Variants in DENND1B observed in about 807,000 individuals in gnomAD.
The protein encoded by DENND1B is DENN domain-containing protein 1B.
In DENND1B, 59 loss-of-function variants were observed where a neutral mutation model predicts 90.1. The observed-to-expected ratio is 0.65, with a 90% CI of 0.53 to 0.81. The LOEUF (loss-of-function observed/expected upper bound fraction) is 0.81. Ranked by LOEUF, DENND1B falls within the 40% of genes least tolerant of loss-of-function variation. The pLI, the probability that DENND1B is intolerant of heterozygous loss-of-function variation, is 0.00. For missense variants in DENND1B, 862 were observed against 912.6 expected (o/e 0.94, Z 0.71); for synonymous variants, 337 against 324.6 (o/e 1.04, Z -0.41).
In DENND1B at chr1:197,744,030, A is replaced by C. The variant is rs116421706; in HGVS notation, c.82+28838T>G. On this transcript the variant is annotated intron_variant, in intron 2 of 22. Coordinates refer to ENST00000620048, the MANE Select transcript of DENND1B (RefSeq NM_001195215.2). ...CATAAGATAGCAGCAATTCAGTCAC[A>C]TATTAAGGATTTACTTCTAATTCTA... Among the ~76,000 whole-genome samples, 1,093 of 152,334 alleles carry C rather than the reference A, an allele frequency of 7.2e-3. 22 individuals are homozygous for C. The highest frequency in any genetic ancestry group is 0.025 in the African/African-American group (1,025 of 41,560).
At chr1:197,630,870 C>A (rs1383599749) in intron 10 of DENND1B, among the ~76,000 whole-genome samples, 3 of 152,102 alleles carry the variant, frequency 2.0e-5, no homozygotes, top group African/African-American at 7.2e-5. Context: ...ATACAAAAAT[C>A]TGTACTCTCA....
chr1:197,515,398 TGG>T (rs1668325235), intron 20 of DENND1B, among the ~76,000 whole-genome samples: 1 of 151,678 alleles, frequency 6.6e-6, no homozygotes, highest in East Asian at 1.9e-4. Context: ...AATATTTCTG[TGG>T]GAAAAATACA....
chr1:197,673,674 T>C (rs1337196044), intron 4 of DENND1B, among the ~76,000 whole-genome samples: 1 of 152,106 alleles, frequency 6.6e-6, no homozygotes, highest in Non-Finnish European at 1.5e-5. Flanking sequence ...ACACTACCTC[T>C]ATAAAGCTAT....
At chr1:197,694,016 T>G (rs113161986) in intron 3 of DENND1B, among the ~76,000 whole-genome samples, 1 of 151,510 alleles carries the variant, frequency 6.6e-6, no homozygotes, top group Non-Finnish European at 1.5e-5. Flanking sequence ...TCATACCTAC[T>G]TCTTATCCTA....
intron 5 of DENND1B, among the ~76,000 whole-genome samples, chr1:197,660,914 G>C (rs577738324): frequency 1.8e-4 from 27 of 152,162 alleles, no homozygotes; most frequent in African/African-American, 5.3e-4. Flanking sequence ...TAGGAGGCAA[G>C]AAATCTAAGA....
chr1:197,540,445 T>C (rs1353654525), intron 19 of DENND1B, among the ~76,000 whole-genome samples: 2 of 152,030 alleles, frequency 1.3e-5, no homozygotes, highest in Non-Finnish European at 2.9e-5. Context: ...GATAATAAAA[T>C]CTGTGAAGAT....
At chr1:197,596,744 T>G (rs1675737053) in intron 13 of DENND1B, among the ~76,000 whole-genome samples, 1 of 151,904 alleles carries the variant, frequency 6.6e-6, no homozygotes. Flanking sequence ...CAAGTAGCCC[T>G]GACTTTGCTT....
At chr1:197,602,320 G>A (rs1352538308) in intron 13 of DENND1B, among the ~76,000 whole-genome samples, 1 of 151,474 alleles carries the variant, frequency 6.6e-6, no homozygotes. Flanking sequence ...GTGTGGTGGA[G>A]GCAAGGTACA....
chr1:197,582,375 T>G (rs1427635205), intron 15 of DENND1B, among the ~76,000 whole-genome samples: 3 of 152,174 alleles, frequency 2.0e-5, no homozygotes, highest in Non-Finnish European at 4.4e-5. Context: ...TTTTTATTCA[T>G]TTTTGTATCC....
intron 15 of DENND1B, among the ~76,000 whole-genome samples, chr1:197,565,549 T>G (rs1045882585): frequency 6.6e-6 from 1 of 151,942 alleles, no homozygotes; most frequent in African/African-American, 2.4e-5. Flanking sequence ...GCAGGTTAGT[T>G]ACATATGCAT....
intron 13 of DENND1B, 141 bp from the exon 14 acceptor site, chr1:197,595,474 G>A (rs2125808864): frequency 3.8e-6 from 4 of 1,043,522 alleles, no homozygotes; most frequent in South Asian, 3.3e-5. Flanking sequence ...CTTTTTAACT[G>A]CAGAGAGCAC....
At chr1:197,755,810 C>A (rs901833235) in intron 2 of DENND1B, among the ~76,000 whole-genome samples, 3 of 152,082 alleles carry the variant, frequency 2.0e-5, no homozygotes, top group African/African-American at 7.2e-5. Flanking sequence ...GCAGAGAACT[C>A]CCGTTTTTAA....
chr1:197,758,513 T>C (rs868457588), intron 2 of DENND1B, among the ~76,000 whole-genome samples: 1 of 152,204 alleles, frequency 6.6e-6, no homozygotes. Flanking sequence ...TTGACTCTCA[T>C]AACAATTAGA....
At position 197,626,883 on chromosome 1, in the gene DENND1B, A is replaced by G. The variant is rs368167243; in HGVS notation, c.673-9124T>C. On this transcript the variant is annotated intron_variant, in intron 10 of 22. Coordinates refer to ENST00000620048, the MANE Select transcript of DENND1B (RefSeq NM_001195215.2). ...CCCACAGAAATACAAACTACCATCA[A>G]AGAATACTACAAACACCTCTACGCA... Among the ~76,000 whole-genome samples, 120 of 152,046 alleles carry G rather than the reference A, an allele frequency of 7.9e-4. 1 individual carries two copies. Among genetic ancestry groups the G allele is most frequent in the African/African-American group, 2.6e-3 (108 of 41,510 alleles).
chr1:197,759,765 A>AAAAAAC, intron 2 of DENND1B, among the ~76,000 whole-genome samples: 2 of 150,630 alleles, frequency 1.3e-5, no homozygotes, highest in African/African-American at 4.9e-5. Flanking sequence ...AAAAAAAAAA[A>AAAAAAC]AGCATGCGGG....
At chr1:197,734,941 C>G in intron 2 of DENND1B, 1 of 985,044 alleles carries the variant, frequency 1.0e-6, no homozygotes, top group South Asian at 4.7e-5. Flanking sequence ...AAAATCTAAG[C>G]CTGGCAAACA....
At chr1:197,511,272 C>T (rs1668009023) in intron 22 of DENND1B, among the ~76,000 whole-genome samples, 1 of 151,742 alleles carries the variant, frequency 6.6e-6, no homozygotes. Flanking sequence ...ACTTCTATCT[C>T]TGCTGTTTTT....
intron 2 of DENND1B, among the ~76,000 whole-genome samples, chr1:197,727,466 C>T (rs763779684): frequency 3.8e-4 from 58 of 150,650 alleles, no homozygotes; most frequent in Non-Finnish European, 5.8e-4. Flanking sequence ...ACCCGGGAGG[C>T]GGAGCTTGCA....
intron 6 of DENND1B, among the ~76,000 whole-genome samples, chr1:197,652,696 T>C (rs59214900): frequency 0.021 from 3,226 of 152,190 alleles, 99 homozygotes; most frequent in African/African-American, 0.072. Flanking sequence ...TTATTTTCCA[T>C]TTCATTTTAA....
Sources: allele counts gnomAD v4.1 joint callset (sites outside exome capture counted in the v4.1 genomes callset), GRCh38; gene constraint gnomAD v4.1.1; transcripts MANE v1.5; gene names NCBI Gene and HGNC (gene_info 2026-07-23, HGNC 2026-07-21).